KIF26B: variants seen among roughly 807,000 people sequenced by gnomAD.
KIF26B encodes the protein kinesin family member 26B.
A neutral mutation model predicts 151.2 loss-of-function variants in KIF26B; 63 were observed. The ratio of observed to expected loss-of-function variants is 0.42; its 90% CI spans 0.34 to 0.51. The LOEUF (loss-of-function observed/expected upper bound fraction) is 0.51. Among genes scored for constraint, KIF26B ranks in the 20% least tolerant of loss-of-function variants. KIF26B has a pLI of 0.07. For missense variants in KIF26B, 2,813 were observed against 2,913.6 expected (o/e 0.97, Z 0.79); for synonymous variants, 1,357 against 1,262.1 (o/e 1.08, Z -1.59).
rs1297990842 is a variant in KIF26B, at chr1:245,166,844, C to G, written c.465+10161C>G. Among the ~76,000 whole-genome samples, 1 of 152,192 alleles carries G rather than the reference C, an allele frequency of 6.6e-6. No individual in the cohort carries two copies. ...GATATCCTGCACATACATCAGCTCT[C>G]AGGGCTGGAGGTGACCGTGGAGGAG... On this transcript the variant is annotated intron_variant, in intron 2 of 14. Coordinates refer to ENST00000407071, the MANE Select transcript of KIF26B (RefSeq NM_018012.4). The surrounding 1 kb of genome is among the most constrained non-coding windows in gnomAD (Gnocchi z 4.5).
intron 2 of KIF26B, among the ~76,000 whole-genome samples, chr1:245,254,862 G>A (rs1670505503): frequency 6.6e-6 from 1 of 152,118 alleles, no homozygotes; most frequent in South Asian, 2.1e-4. Flanking sequence ...CAGGAGCATG[G>A]CTTATGACAT....
In KIF26B at chr1:245,328,162, A is replaced by G. The variant is rs115065193; in HGVS notation, c.466-38672A>G. On this transcript the variant is annotated intron_variant, in intron 2 of 14. Transcript: ENST00000407071. ...TGTGTTTAGCTGAGGAGAGGGCGGG[A>G]GAGAGACCCAGGCTGGGAGGTGGGG... Among the ~76,000 whole-genome samples, 1,447 of 147,554 alleles carry G rather than the reference A, an allele frequency of 9.8e-3. 27 individuals carry two copies. Among genetic ancestry groups the G allele is most frequent in the African/African-American group, 0.035 (1,378 of 39,356 alleles).
intron 2 of KIF26B, among the ~76,000 whole-genome samples, chr1:245,279,994 G>A (rs1024613527): frequency 1.3e-5 from 2 of 151,980 alleles, no homozygotes; most frequent in African/African-American, 4.8e-5. Flanking sequence ...TAGAAGAATG[G>A]TGTGTCCATG....
intron 2 of KIF26B, among the ~76,000 whole-genome samples, chr1:245,209,991 G>GT (rs1669482084): frequency 6.6e-6 from 1 of 152,378 alleles, no homozygotes; most frequent in Non-Finnish European, 1.5e-5. Context: ...TACAGTGTGA[G>GT]TGTTGGCCAG....
At position 245,602,707 on chromosome 1, in the gene KIF26B, C is replaced by T; in HGVS notation, c.1481C>T (p.Ala494Val). 6.2e-7 allele frequency: 1 copy of T among 1,614,038 alleles called. No individual in the cohort carries two copies. Among genetic ancestry groups the T allele is most frequent in the East Asian group, 2.2e-5 (1 of 44,892 alleles). The part of the protein sequence containing the change: ...YDPLTCGGQN[A>V]FQKRGNQVPP... The stretch of plus-strand genomic sequence containing the variant: ...CCCCTGACTTGTGGAGGTCAAAATG[C>T]CTTCCAAAAGAGAGGCAACCAGGTT... The change falls in exon 6 of 15, where the codon GCC becomes GTC. Residue 494 changes from alanine (A) to valine (V), a missense_variant. Transcript: ENST00000407071. The surrounding 1 kb of genome is among the most constrained non-coding windows in gnomAD (Gnocchi z 4.5).
Position 245,597,814 on chromosome 1 carries a change from G to A in KIF26B, c.1351-4763G>A, listed in dbSNP as rs1480743366. Among the ~76,000 whole-genome samples the A allele has an allele frequency of 6.6e-6, 1 of 152,098 alleles. No individual in the cohort carries two copies. Reference sequence around the variant, plus strand: ...TTCACATAGTTCCATATTTCTTGGAGGCTTTGTTCATTCCTTTTCATTCTT... The same window carrying A: ...TTCACATAGTTCCATATTTCTTGGAAGCTTTGTTCATTCCTTTTCATTCTT... On this transcript the variant is annotated intron_variant, in intron 5 of 14. Transcript: ENST00000407071. The surrounding 1 kb of genome is among the most constrained non-coding windows in gnomAD (Gnocchi z 4.6).
chr1:245,392,704 C>T (rs898955126), intron 3 of KIF26B, among the ~76,000 whole-genome samples: 3 of 152,126 alleles, frequency 2.0e-5, no homozygotes, highest in African/African-American at 7.2e-5. Flanking sequence ...TGTCTTTTGG[C>T]GTGGAGCTAA....
intron 10 of KIF26B, among the ~76,000 whole-genome samples, chr1:245,668,618 T>C (rs2044245526): frequency 6.6e-6 from 1 of 152,246 alleles, no homozygotes; most frequent in Non-Finnish European, 1.5e-5. Context: ...TTGTGCCAAG[T>C]GCCAGTCCAG....
chr1:245,702,106 G>A lies in KIF26B; in HGVS notation c.6179-352G>A, dbSNP rs2044779755. 3.9e-5 allele frequency among the ~76,000 whole-genome samples: 1 copy of A among 25,648 alleles called. No individual in the cohort carries two copies. Among genetic ancestry groups the A allele is most frequent in the Admixed American group, 4.2e-4 (1 of 2,356 alleles). The allele number at this position is 25,648 out of a possible 152,430, so 16.8% of individuals were successfully genotyped here. ...GGAGGGACTCTCCCCACCTCAACTT[G>A]AATTATTTACTTGATTGATTGATAG... On this transcript the variant is annotated intron_variant, in intron 14 of 14. Coordinates refer to ENST00000407071, the MANE Select transcript of KIF26B (RefSeq NM_018012.4). The surrounding 1 kb of genome is among the most constrained non-coding windows in gnomAD (Gnocchi z 4.1).
At chr1:245,607,550 C>A in intron 6 of KIF26B, 101 bp from the exon 7 acceptor site, 1 of 904,534 alleles carries the variant, frequency 1.1e-6, no homozygotes, top group Non-Finnish European at 1.7e-6. Flanking sequence ...CACAGTGACA[C>A]TGGGACCCGA....
chr1:245,654,903 C>T (rs1223886699), intron 10 of KIF26B, among the ~76,000 whole-genome samples: 2 of 152,224 alleles, frequency 1.3e-5, no homozygotes, highest in Non-Finnish European at 2.9e-5. Flanking sequence ...GTGAGAATGA[C>T]GGCAGGGCTG....
chr1:245,432,720 G>C lies in KIF26B; in HGVS notation c.1166+12975G>C, dbSNP rs572812120. 3.3e-5 allele frequency among the ~76,000 whole-genome samples: 5 copies of C among 152,320 alleles called. No homozygotes were observed. The South Asian group carries it at 8.3e-4, about 25-fold the overall frequency. ...GTGTGATATTATGTGGTGTTGGGTA[G>C]AGGCTCAGCGTGCTTATGAATCACA... On this transcript the variant is annotated intron_variant, in intron 4 of 14. Transcript: ENST00000407071.
intron 3 of KIF26B, among the ~76,000 whole-genome samples, chr1:245,389,353 T>C (rs903026585): frequency 5.3e-5 from 8 of 150,816 alleles, no homozygotes; most frequent in Non-Finnish European, 1.2e-4. Flanking sequence ...CCTCAGGTGA[T>C]CCGCCCACCT....
At chr1:245,293,373 G>T (rs1671286308) in intron 2 of KIF26B, among the ~76,000 whole-genome samples, 1 of 152,030 alleles carries the variant, frequency 6.6e-6, no homozygotes, top group African/African-American at 2.4e-5. Flanking sequence ...GCAGGGCATG[G>T]ATTTGGTCAG....
intron 2 of KIF26B, among the ~76,000 whole-genome samples, chr1:245,256,796 G>A (rs1420250130): frequency 6.6e-6 from 1 of 152,150 alleles, no homozygotes; most frequent in Non-Finnish European, 1.5e-5. Context: ...GTAGCAATGA[G>A]ATACCAACTT....
At chr1:245,413,732 G>T (rs868072584) in intron 3 of KIF26B, among the ~76,000 whole-genome samples, 6 of 152,192 alleles carry the variant, frequency 3.9e-5, no homozygotes, top group South Asian at 4.1e-4. Context: ...TCAAGTTTCA[G>T]GAGAACATCT....
chr1:245,666,405 A>G (rs2044214977), intron 10 of KIF26B, among the ~76,000 whole-genome samples: 1 of 152,192 alleles, frequency 6.6e-6, no homozygotes, highest in Admixed American at 6.5e-5. Context: ...GGACAAAATA[A>G]ACCAGACAGG....
intron 9 of KIF26B, among the ~76,000 whole-genome samples, chr1:245,622,965 T>A (rs2043680863): frequency 6.6e-6 from 1 of 150,772 alleles, no homozygotes; most frequent in Non-Finnish European, 1.5e-5. Context: ...AGAGCTCAGG[T>A]CTTGCAGTCA....
chr1:245,542,935 G>T (rs967791447), intron 5 of KIF26B, among the ~76,000 whole-genome samples: 1 of 152,170 alleles, frequency 6.6e-6, no homozygotes, highest in Admixed American at 6.5e-5. Flanking sequence ...TTCTGAATAA[G>T]TGTGAGCAAA....
Sources: allele counts gnomAD v4.1 joint callset (sites outside exome capture counted in the v4.1 genomes callset), GRCh38; gene constraint gnomAD v4.1.1; non-coding constraint Gnocchi (gnomAD v3.1); transcripts MANE v1.5; gene names NCBI Gene and HGNC (gene_info 2026-07-23, HGNC 2026-07-21).